Variants in MTM1 observed in about 807,000 individuals in gnomAD.
The protein encoded by MTM1 is myotubularin.
Under a neutral mutation model 52.1 loss-of-function variants are expected in MTM1, and 9 were observed. That is an observed-to-expected ratio of 0.17 (90% confidence interval 0.10 to 0.30). The LOEUF (loss-of-function observed/expected upper bound fraction) is 0.30. Ranked by LOEUF, MTM1 falls within the 10% of genes least tolerant of loss-of-function variation. The pLI, the probability that MTM1 is intolerant of heterozygous loss-of-function variation, is 1.00. For synonymous variants in MTM1, 136 were observed against 163.8 expected (o/e 0.83, Z 1.29); for missense variants, 277 against 470.7 (o/e 0.59, Z 3.81).
Position 150,645,276 on chromosome X carries a change from G to A in MTM1, c.679-407G>A, listed in dbSNP as rs782322355. Among the ~76,000 whole-genome samples the A allele has an allele frequency of 7.0e-4, 78 of 111,980 alleles. 2 individuals are homozygous for A. In the South Asian group the frequency reaches 0.027, roughly 38 times the overall value. On this transcript the variant is annotated intron_variant, in intron 8 of 14. Transcript: ENST00000370396. The stretch of plus-strand genomic sequence containing the variant: ...GGAAAATGATCTGTAGACAGAGTTG[G>A]TATTATGAGAAACATATTGTACCAG...
the MTM1 span, among the ~76,000 whole-genome samples, chrX:150,563,187 C>T: frequency 1.8e-5 from 2 of 110,231 alleles, no homozygotes; most frequent in African/African-American, 6.6e-5. Context: ...AGACCCCAGT[C>T]CTCTTAGAAA....
chrX:150,650,815 C>T (rs1292663888), intron 10 of MTM1, among the ~76,000 whole-genome samples: 5 of 111,813 alleles, frequency 4.5e-5, no homozygotes, highest in African/African-American at 1.6e-4. Flanking sequence ...CCTGCTATTC[C>T]AAAACCTCTG....
chrX:150,640,897 G>A (rs2039836870), intron 7 of MTM1, among the ~76,000 whole-genome samples: 1 of 110,974 alleles, frequency 9.0e-6, no homozygotes, highest in African/African-American at 3.3e-5. Flanking sequence ...GCCAGATTAA[G>A]ATGAAGCAGG....
At chrX:150,569,071 G>T (rs903086448) in intron 1 of MTM1, among the ~76,000 whole-genome samples, 11 of 113,772 alleles carry the variant, frequency 9.7e-5, no homozygotes, top group African/African-American at 1.6e-4. Flanking sequence ...GCTGGTCCTC[G>T]CCTTGGCCCT....
At chrX:150,608,200 G>A (rs1411301515) in intron 4 of MTM1, among the ~76,000 whole-genome samples, 3 of 110,997 alleles carry the variant, frequency 2.7e-5, no homozygotes. Context: ...AGGATTTGGG[G>A]TTTTTATTTT....
At chrX:150,666,784 C>G (rs2040310472) in intron 14 of MTM1, among the ~76,000 whole-genome samples, 1 of 111,836 alleles carries the variant, frequency 8.9e-6, no homozygotes, top group African/African-American at 3.3e-5. Context: ...CTGCCATCTT[C>G]CCCATTTCAG....
At chrX:150,607,578 C>T (rs1182977500) in intron 4 of MTM1, among the ~76,000 whole-genome samples, 1 of 111,752 alleles carries the variant, frequency 8.9e-6, no homozygotes, top group Non-Finnish European at 1.9e-5. Context: ...CCTATACATT[C>T]CTGGCTCTCC....
intron 8 of MTM1, among the ~76,000 whole-genome samples, chrX:150,641,686 G>A (rs919620449): frequency 2.7e-5 from 3 of 111,609 alleles, no homozygotes; most frequent in Non-Finnish European, 5.6e-5. Context: ...CAAGTGCTGT[G>A]TGGAAGGAAG....
chrX:150,607,746 T>A (rs1480252398), intron 4 of MTM1, among the ~76,000 whole-genome samples: 1 of 111,890 alleles, frequency 8.9e-6, no homozygotes, highest in Non-Finnish European at 1.9e-5. Context: ...TCTGTATTCA[T>A]TGAGTATCTG....
At chrX:150,651,726 C>T (rs2040024677) in intron 10 of MTM1, among the ~76,000 whole-genome samples, 1 of 110,561 alleles carries the variant, frequency 9.0e-6, no homozygotes, top group Non-Finnish European at 1.9e-5. Flanking sequence ...GGGCAACAAA[C>T]GCAAGCAAAG....
At chrX:150,579,543 T>G (rs1557411794) in intron 1 of MTM1, among the ~76,000 whole-genome samples, 1 of 111,416 alleles carries the variant, frequency 9.0e-6, no homozygotes, top group Admixed American at 9.5e-5. Context: ...TTACCTAAGC[T>G]GGAGTGCAGT....
chrX:150,613,652 G>A (rs1460474969), intron 4 of MTM1, among the ~76,000 whole-genome samples: 1 of 111,974 alleles, frequency 8.9e-6, no homozygotes, highest in Non-Finnish European at 1.9e-5. Flanking sequence ...GAAAAACTTA[G>A]GAAATGGGGA....
chrX:150,653,879 C>G (rs1174213504), intron 10 of MTM1, among the ~76,000 whole-genome samples: 2 of 112,159 alleles, frequency 1.8e-5, no homozygotes, highest in African/African-American at 6.5e-5. Flanking sequence ...CCTCATTGAG[C>G]CTATGCTCAA....
At chrX:150,572,631 GCCTCTC>G (rs782624956) in intron 1 of MTM1, among the ~76,000 whole-genome samples, 3 of 112,625 alleles carry the variant, frequency 2.7e-5, no homozygotes, top group African/African-American at 9.7e-5. Flanking sequence ...AATGTTGCCT[GCCTCTC>G]CCAAGTGTCT....
At chrX:150,583,562 A>AATATATAATTTATATATAAT (rs1419296153) in intron 1 of MTM1, among the ~76,000 whole-genome samples, 3 of 22,929 alleles carry the variant, frequency 1.3e-4, no homozygotes, top group Non-Finnish European at 1.7e-4. Flanking sequence ...ATTTATATAT[A>AATATATAATTTATATATAAT]ATATATAATT....
intron 6 of MTM1, among the ~76,000 whole-genome samples, chrX:150,626,546 G>A (rs1374308936): frequency 1.8e-5 from 2 of 111,230 alleles, no homozygotes; most frequent in Non-Finnish European, 3.8e-5. Context: ...TTGACCTTGT[G>A]ATCCGCCCGC....
In MTM1 at chrX:150,597,508, C is replaced by T. The variant is rs190158653; in HGVS notation, c.136+938C>T. 4.3e-3 allele frequency among the ~76,000 whole-genome samples: 484 copies of T among 111,748 alleles called. 3 individuals carry two copies. Among genetic ancestry groups the T allele is most frequent in the Non-Finnish European group, 6.1e-3 (324 of 53,143 alleles). On this transcript the variant is annotated intron_variant, in intron 3 of 14. Coordinates refer to ENST00000370396, the MANE Select transcript of MTM1 (RefSeq NM_000252.3). ...AAGTTTTGGTGGTAGGTATCAGCGC[C>T]TGAACCTTAACCCAGGTGGTAACTA...
intron 5 of MTM1, among the ~76,000 whole-genome samples, chrX:150,618,185 C>T (rs1557413182): frequency 2.7e-5 from 3 of 111,467 alleles, no homozygotes; most frequent in African/African-American, 9.8e-5. Flanking sequence ...ATATGGAACT[C>T]TGTGAAGGTA....
intron 10 of MTM1, among the ~76,000 whole-genome samples, chrX:150,654,046 C>T (rs138098093): frequency 1.8e-5 from 2 of 111,977 alleles, no homozygotes; most frequent in African/African-American, 6.5e-5. Flanking sequence ...AGGTCTTCTG[C>T]CATAGAGCCA....
Sources: allele counts gnomAD v4.1 joint callset (sites outside exome capture counted in the v4.1 genomes callset), GRCh38; gene constraint gnomAD v4.1.1; transcripts MANE v1.5; gene names NCBI Gene and HGNC (gene_info 2026-07-23, HGNC 2026-07-21).